The following VCF1 variants were observed in gnomAD, a reference collection of about 807,000 sequenced individuals.
VCF1 encodes the protein VCP nuclear cofactor family member 1.
At chr17:73,218,302 T>C in the VCF1 span, among the ~76,000 whole-genome samples, 1 of 152,246 alleles carries the variant, frequency 6.6e-6, no homozygotes, top group African/African-American at 2.4e-5. Context: ...ATGAACTCAG[T>C]GGGTTAATTA....
the VCF1 span, among the ~76,000 whole-genome samples, chr17:73,228,378 G>C: frequency 1.3e-5 from 2 of 152,208 alleles, no homozygotes; most frequent in Non-Finnish European, 2.9e-5. Flanking sequence ...ATGAGAGTAG[G>C]GTGGCTTACA....
the VCF1 span, chr17:73,208,016 T>C: frequency 1.5e-6 from 2 of 1,313,616 alleles, no homozygotes; most frequent in Non-Finnish European, 2.0e-6. Flanking sequence ...CAGTTTCCAC[T>C]GCAGTGATCT....
At chr17:73,224,277 A>AAAT in the VCF1 span, among the ~76,000 whole-genome samples, 1 of 149,626 alleles carries the variant, frequency 6.7e-6, no homozygotes, top group East Asian at 1.9e-4. Context: ...AAAAAAAAAA[A>AAAT]AAAAAAAACC....
chr17:73,211,191 C>T, the VCF1 span, among the ~76,000 whole-genome samples: 1 of 152,202 alleles, frequency 6.6e-6, no homozygotes, highest in Non-Finnish European at 1.5e-5. Context: ...TGCAGTGCCT[C>T]ACACTTGTAA....
the VCF1 span, chr17:73,209,867 C>T: frequency 1.3e-6 from 2 of 1,483,226 alleles, no homozygotes; most frequent in South Asian, 1.3e-5. Flanking sequence ...AGTACCTTTC[C>T]AGTTCAGCTT....
chr17:73,228,353 A>T, the VCF1 span, among the ~76,000 whole-genome samples: 1 of 152,264 alleles, frequency 6.6e-6, no homozygotes, highest in Non-Finnish European at 1.5e-5. Context: ...TCTTCTAAAT[A>T]ATTATACACT....
At chr17:73,223,072 C>T in the VCF1 span, among the ~76,000 whole-genome samples, 1 of 152,182 alleles carries the variant, frequency 6.6e-6, no homozygotes, top group Non-Finnish European at 1.5e-5. Flanking sequence ...AATCCCAGCA[C>T]TTTGGGAGGC....
the VCF1 span, chr17:73,229,623 T>C: frequency 5.1e-6 from 5 of 976,906 alleles, no homozygotes; most frequent in African/African-American, 8.8e-5. Flanking sequence ...CCCAGCACTT[T>C]GGGAGGCTGA....
chr17:73,225,897 ATATTTTTTT>A, the VCF1 span, among the ~76,000 whole-genome samples: 6 of 72,416 alleles, frequency 8.3e-5, no homozygotes, highest in Non-Finnish European at 1.3e-4. Flanking sequence ...ATATATATAT[ATATTTTTTT>A]TTTTTTTTTT....
chr17:73,212,904 AT>A, the VCF1 span, among the ~76,000 whole-genome samples: 1 of 151,994 alleles, frequency 6.6e-6, no homozygotes, highest in Non-Finnish European at 1.5e-5. Flanking sequence ...ATTTTTTTTT[AT>A]TTTTTATTTT....
the VCF1 span, among the ~76,000 whole-genome samples, chr17:73,226,170 G>A: frequency 6.6e-6 from 1 of 151,956 alleles, no homozygotes; most frequent in Non-Finnish European, 1.5e-5. Context: ...CAAAGGGCTG[G>A]GATTATAGGG....
At chr17:73,227,199 C>G in the VCF1 span, 1 of 1,586,300 alleles carries the variant, frequency 6.3e-7, no homozygotes, top group Non-Finnish European at 8.6e-7. Flanking sequence ...GACAGGGTTT[C>G]TGCTACTTCT....
At chr17:73,207,721 C>T in the VCF1 span, 55 of 1,291,796 alleles carry the variant, frequency 4.3e-5, no homozygotes, top group South Asian at 6.2e-5. Flanking sequence ...AACTGTTAAG[C>T]CTGCAGGAAT....
chr17:73,229,737 G>C, the VCF1 span: 2 of 228,856 alleles, frequency 8.7e-6, no homozygotes, highest in Non-Finnish European at 1.4e-5. Context: ...GCGTGGTGGC[G>C]TGTGCCTGTA....
chr17:73,209,501 T>C, the VCF1 span: 2 of 1,564,236 alleles, frequency 1.3e-6, no homozygotes, highest in Non-Finnish European at 1.7e-6. Context: ...CGCTGTCCCT[T>C]CACAGAAGGC....
the VCF1 span, chr17:73,209,383 G>A: frequency 4.6e-6 from 5 of 1,076,610 alleles, no homozygotes; most frequent in Non-Finnish European, 6.5e-6. Flanking sequence ...GTAAACAACT[G>A]CCTGTTAACC....
the VCF1 span, chr17:73,208,475 CTAAA>C: frequency 1.2e-6 from 2 of 1,612,084 alleles, no homozygotes; most frequent in Non-Finnish European, 1.7e-6. Flanking sequence ...CTGTCTCTCC[CTAAA>C]TAAATACTAC....
the VCF1 span, among the ~76,000 whole-genome samples, chr17:73,216,295 G>C: frequency 3.0e-3 from 452 of 152,290 alleles, 24 homozygotes; most frequent in East Asian, 0.078. Context: ...TAGGGTACTC[G>C]AGCATCAGGA....
chr17:73,209,663 C>T, the VCF1 span: 9 of 1,552,104 alleles, frequency 5.8e-6, no homozygotes, highest in East Asian at 2.4e-5. Flanking sequence ...GGGCTGGATC[C>T]GGCCATGGTC....
Sources: gnomAD v4.1 joint callset for allele counts (sites outside exome capture counted in the v4.1 genomes callset) on GRCh38, gnomAD v4.1.1 for gene constraint, MANE v1.5 for transcripts, NCBI Gene and HGNC (gene_info 2026-07-23, HGNC 2026-07-21) for gene names.